Variants in CNNM3 observed in about 807,000 individuals in gnomAD.
CNNM3 encodes metal transporter CNNM3.
In CNNM3, 47 loss-of-function variants were observed where a neutral mutation model predicts 57.1. That is an observed-to-expected ratio of 0.82 (90% confidence interval 0.65 to 1.05). CNNM3 has a LOEUF of 1.05. Among genes scored for constraint, CNNM3 ranks in the 50% least tolerant of loss-of-function variants. The probability of loss-of-function intolerance (pLI) is 0.00; values close to 1 mark genes in which losing one functional copy is unlikely to be tolerated. For synonymous variants in CNNM3, 507 were observed against 478.2 expected (o/e 1.06, Z -0.79); for missense variants, 957 against 973.7 (o/e 0.98, Z 0.23).
intron 2 of CNNM3, 65 bp downstream of exon 2, chr2:96,825,266 C>G (rs530557834): frequency 1.3e-6 from 2 of 1,573,878 alleles, no homozygotes; most frequent in East Asian, 4.5e-5. Flanking sequence ...GCGTATGTTG[C>G]GTCAGAGGCC....
At chr2:96,828,247 T>C (rs1269686362) in intron 5 of CNNM3, 52 bp downstream of exon 5, 9 of 1,444,692 alleles carry the variant, frequency 6.2e-6, no homozygotes, top group Non-Finnish European at 8.7e-6. Context: ...CTGCAGAGCC[T>C]GTCCCCCATC....
chr2:96,825,012 TGG>T, intron 1 of CNNM3, 44 bp from the exon 2 acceptor site: 1 of 1,603,130 alleles, frequency 6.2e-7, no homozygotes. Context: ...TGAATCAAAC[TGG>T]GGGGGGCCCA....
At chr2:96,831,878 C>T (rs903905374) in intron 7 of CNNM3, 7 of 667,632 alleles carry the variant, frequency 1.0e-5, no homozygotes, top group Non-Finnish European at 1.3e-5. Context: ...CCCGGGGCAC[C>T]GGCCCTCTCC....
chr2:96,817,008 GC>G lies in CNNM3; in HGVS notation c.732del (p.Ser244ArgfsTer176). ...GGAGAGGTGGTGCCGGCCGCCGTGA[GC>G]GGGCGCTGGACGCTGGCGCTGGCGC... is the stretch of plus-strand genomic sequence containing the variant. ...LVGEVVPAAV[S>X]GRWTLALAPR... On this transcript the variant is annotated frameshift_variant, in exon 1 of 8. Coordinates refer to ENST00000305510, the MANE Select transcript of CNNM3 (RefSeq NM_017623.5). LOFTEE classifies it high-confidence loss of function. 7.3e-7 allele frequency: 1 copy of G among 1,373,004 alleles called. No individual in the cohort carries two copies. The highest frequency in any genetic ancestry group is 1.4e-5 in the South Asian group (1 of 71,374). 85.1% of individuals were successfully genotyped at this position (1,373,004 alleles called of 1,614,324 possible).
chr2:96,821,874 A>G (rs1357924481), intron 1 of CNNM3, among the ~76,000 whole-genome samples: 5 of 152,200 alleles, frequency 3.3e-5, no homozygotes, highest in Admixed American at 2.6e-4. Context: ...CAGAATGGTT[A>G]TATGTGTTTG....
intron 1 of CNNM3, chr2:96,824,702 G>A (rs901303521): frequency 8.4e-6 from 2 of 237,246 alleles, no homozygotes; most frequent in African/African-American, 4.5e-5. Flanking sequence ...GCTGGCTGAT[G>A]TGTGAGGCAT....
chr2:96,821,989 T>C (rs1457659625), intron 1 of CNNM3, among the ~76,000 whole-genome samples: 1 of 150,006 alleles, frequency 6.7e-6, no homozygotes, highest in African/African-American at 2.5e-5. Context: ...AAAAGAACAT[T>C]ATTATTATTA....
At chr2:96,829,289 A>G in intron 7 of CNNM3, 155 bp downstream of exon 7, 2 of 865,860 alleles carry the variant, frequency 2.3e-6, no homozygotes, top group Non-Finnish European at 2.8e-6. Context: ...ATATCTATAT[A>G]TAAATAATTT....
In CNNM3 at chr2:96,816,471, G is replaced by A. The variant is rs763587143; in HGVS notation, c.194G>A (p.Arg65His). Reference protein sequence around the residue: ...RDTPDATFLLRLFGPGFANSS... With the variant: ...RDTPDATFLLHLFGPGFANSS... ...ACGCCGGACGCCACCTTCCTCCTGC[G>A]CCTCTTCGGCCCGGGCTTCGCCAAC... Residue 65 changes from arginine (R) to histidine (H), a missense_variant, in exon 1 of 8, where the codon CGC (arginine) becomes CAC (histidine). By Grantham distance (29) the Arg-to-His change is conservative. Transcript: ENST00000305510. The A allele has an allele frequency of 1.4e-6, 2 of 1,457,426 alleles. No individual in the cohort carries two copies. The highest frequency in any genetic ancestry group is 2.7e-5 in the Admixed American group (1 of 37,716). The allele number at this position is 1,457,426 out of a possible 1,614,324, so 90.3% of individuals were successfully genotyped here. A position where few individuals can be genotyped will look rare whatever the true frequency, so the allele number is the denominator to read the frequency against.
chr2:96,832,713 C>T lies in CNNM3; in HGVS notation c.*97C>T, dbSNP rs1368251458. 3.2e-6 allele frequency: 5 copies of T among 1,583,486 alleles called. No homozygotes were observed. Among genetic ancestry groups the T allele is most frequent in the African/African-American group, 1.3e-5 (1 of 74,400 alleles). On this transcript the variant is annotated 3_prime_UTR_variant, in exon 8 of 8. Coordinates refer to ENST00000305510, the MANE Select transcript of CNNM3 (RefSeq NM_017623.5). ...TTTTGTGCCCGCCTGCCCCCATCCC[C>T]TCCAGGCCACGTTTTAGATGGCCCT...
intron 7 of CNNM3, among the ~76,000 whole-genome samples, chr2:96,829,539 G>A (rs2079566888): frequency 6.6e-6 from 1 of 151,108 alleles, no homozygotes; most frequent in Admixed American, 6.6e-5. Flanking sequence ...GACCTCAGAT[G>A]ATCCGCCTGC....
At position 96,834,074 on chromosome 2, in the gene CNNM3, C is replaced by T. The variant is rs1299280285; in HGVS notation, c.*1458C>T. ...CTGGGATTACAGGTGCCCACCACCA[C>T]ACCCGGCTAATTTTTGTATTTTTAG... is the stretch of plus-strand genomic sequence containing the variant. On this transcript the variant is annotated 3_prime_UTR_variant, in exon 8 of 8. Coordinates refer to ENST00000305510, the MANE Select transcript of CNNM3 (RefSeq NM_017623.5). Among the ~76,000 whole-genome samples the T allele has an allele frequency of 6.6e-6, 1 of 152,148 alleles. No individual in the cohort carries two copies. The highest frequency in any genetic ancestry group is 1.5e-5 in the Non-Finnish European group (1 of 68,036).
chr2:96,835,501 C>G (rs1240195415), downstream of CNNM3, among the ~76,000 whole-genome samples: 1 of 148,220 alleles, frequency 6.7e-6, no homozygotes, highest in African/African-American at 2.5e-5. Flanking sequence ...CGGAGTCTCA[C>G]TCTTTTGCCC....
rs566740178 is a variant in CNNM3, at chr2:96,831,608, A to G, written c.2060-944A>G. Among the ~76,000 whole-genome samples the G allele has an allele frequency of 2.6e-5, 4 of 152,354 alleles. No homozygotes were observed. The East Asian group carries it at 7.7e-4, about 29-fold the overall frequency. ...AGCAGTGGAGCTGAGTAGCTGTGAC[A>G]GAGACTATATGACCTACAAAAACTA... On this transcript the variant is annotated intron_variant, in intron 7 of 7. Transcript: ENST00000305510.
chr2:96,834,639 G>A lies in CNNM3; in HGVS notation c.*2023G>A, dbSNP rs774157845. ...GTTGAGATTATAGGCGTGAGCCACC[G>A]TGCCCAGATTCACAGAAGTTTCATA... On this transcript the variant is annotated 3_prime_UTR_variant, in exon 8 of 8. Transcript: ENST00000305510. 2.6e-5 allele frequency among the ~76,000 whole-genome samples: 3 copies of A among 116,520 alleles called. No homozygotes were observed. Among genetic ancestry groups the A allele is most frequent in the Non-Finnish European group, 4.7e-5 (3 of 63,846 alleles). The allele number at this position is 116,520 out of a possible 152,430, so 76.4% of individuals were successfully genotyped here. A position where few individuals can be genotyped will look rare whatever the true frequency, so the allele number is the denominator to read the frequency against.
chr2:96,824,957 A>T, intron 1 of CNNM3, 101 bp from the exon 2 acceptor site: 1 of 1,354,124 alleles, frequency 7.4e-7, no homozygotes, highest in Non-Finnish European at 1.0e-6. Flanking sequence ...TTGTAGGAGC[A>T]TGAACGTTAG....
chr2:96,825,539 C>T (rs2079487178), intron 2 of CNNM3, among the ~76,000 whole-genome samples: 1 of 152,196 alleles, frequency 6.6e-6, no homozygotes, highest in Non-Finnish European at 1.5e-5. Flanking sequence ...TCCCTAGGTG[C>T]TTTTGTTTTT....
chr2:96,828,304 G>A (rs1175333478), intron 5 of CNNM3, 109 bp downstream of exon 5: 3 of 959,740 alleles, frequency 3.1e-6, no homozygotes, highest in Non-Finnish European at 3.2e-6. Context: ...TTCCACCTGA[G>A]CCCACCACCC....
chr2:96,832,467 C>T, intron 7 of CNNM3, 85 bp from the exon 8 acceptor site: 2 of 1,597,904 alleles, frequency 1.3e-6, no homozygotes, highest in South Asian at 2.2e-5. Context: ...CTGCCCCTTC[C>T]TGTCCCACAG....
Sources: allele counts gnomAD v4.1 joint callset (sites outside exome capture counted in the v4.1 genomes callset), GRCh38; gene constraint gnomAD v4.1.1; transcripts MANE v1.5; gene names NCBI Gene and HGNC (gene_info 2026-07-23, HGNC 2026-07-21).